The following ETV1 variants were observed in gnomAD, a reference collection of about 807,000 sequenced individuals.
The protein encoded by ETV1 is ETS translocation variant 1.
Under a neutral mutation model 62.3 loss-of-function variants are expected in ETV1, and 27 were observed. The observed-to-expected ratio is 0.43, with a 90% CI of 0.32 to 0.60. The LOEUF (loss-of-function observed/expected upper bound fraction) is 0.60, where lower values mean the gene tolerates loss of function less well. Among genes scored for constraint, ETV1 ranks in the 20% least tolerant of loss-of-function variants. ETV1 has a pLI of 0.06. For missense variants in ETV1, 605 were observed against 605.8 expected (o/e 1.00, Z 0.01); for synonymous variants, 222 against 199.6 (o/e 1.11, Z -0.94).
At position 13,894,782 on chromosome 7, in the gene ETV1, TTA is replaced by T. The variant is rs1781624460; in HGVS notation, c.*1082_*1083del. 8.6e-6 allele frequency: 2 copies of T among 232,536 alleles called. No homozygotes were observed. Among genetic ancestry groups the T allele is most frequent in the African/African-American group, 4.4e-5 (2 of 45,288 alleles). The allele number at this position is 232,536 out of a possible 1,614,324, so 14.4% of individuals were successfully genotyped here. A position where few individuals can be genotyped will look rare whatever the true frequency, so the allele number is the denominator to read the frequency against. ...CAGAAGCATTAGCATTATCTAATAT[TTA>T]TATATGTTATCAACATAACACAGCA... On this transcript the variant is annotated 3_prime_UTR_variant, in exon 14 of 14. Transcript: ENST00000430479.
chr7:13,975,562 CAAAAAAAAAAAAA>C (rs765452116), intron 6 of ETV1, among the ~76,000 whole-genome samples: 1 of 41,160 alleles, frequency 2.4e-5, no homozygotes, highest in African/African-American at 8.8e-5. Flanking sequence ...GACTCTGTCT[CAAAAAAAAAAAAA>C]AAAAGAAAAG....
chr7:13,931,505 A>C lies in ETV1; in HGVS notation c.799T>G (p.Ser267Ala), dbSNP rs541367225. ...KQEPRDFAYD[S>A]EVPSCHSIYM... Reference sequence around the variant, plus strand: ...TTTGCGCAGAGCGCAGGCCTACCTGAGTCATATGCAAAATCTCTGGGTTCC... The same window carrying C: ...TTTGCGCAGAGCGCAGGCCTACCTGCGTCATATGCAAAATCTCTGGGTTCC... Residue 267 changes from serine to alanine, a missense_variant, in exon 9 of 14, where the codon TCA becomes GCA. Physicochemically the swap from Ser to Ala is moderately conservative, Grantham distance 99. Coordinates refer to ENST00000430479, the MANE Select transcript of ETV1 (RefSeq NM_004956.5). The C allele has an allele frequency of 6.2e-7, 1 of 1,613,954 alleles. No homozygotes were observed. Among genetic ancestry groups the C allele is most frequent in the South Asian group, 1.1e-5 (1 of 91,078 alleles).
intron 9 of ETV1, among the ~76,000 whole-genome samples, chr7:13,930,745 T>C (rs2128448946): frequency 6.6e-6 from 1 of 152,188 alleles, no homozygotes; most frequent in South Asian, 2.1e-4. Flanking sequence ...CCCCTCTTAA[T>C]ATGTAAGAAT....
Position 13,893,439 on chromosome 7 carries a change from G to C in ETV1, c.*2427C>G, listed in dbSNP as rs897836518. 1 of 230,350 alleles carries C rather than the reference G, an allele frequency of 4.3e-6. No individual in the cohort carries two copies. The highest frequency in any genetic ancestry group is 8.6e-6 in the Non-Finnish European group (1 of 116,482). The allele number at this position is 230,350 out of a possible 1,614,324, so 14.3% of individuals were successfully genotyped here. A position where few individuals can be genotyped will look rare whatever the true frequency, so the allele number is the denominator to read the frequency against. ...TGTATTGGAAATACACTTAATGTTG[G>C]TCAATTATGTATTTAGTTCAGTGAG... On this transcript the variant is annotated 3_prime_UTR_variant, in exon 14 of 14. Transcript: ENST00000430479.
At chr7:13,911,344 G>C (rs1210170566) in intron 9 of ETV1, 37 bp from the exon 10 acceptor site, 1 of 1,449,356 alleles carries the variant, frequency 6.9e-7, no homozygotes, top group Admixed American at 1.7e-5. Context: ...AAAGAGTCTG[G>C]AGCTGAAACG....
chr7:13,991,002 G>A (rs2128519605), upstream of ETV1: 1 of 152,564 alleles, frequency 6.6e-6, no homozygotes, highest in South Asian at 2.1e-4. Context: ...ACTTAAAAAA[G>A]AAGCAAACAA....
intron 6 of ETV1, among the ~76,000 whole-genome samples, chr7:13,964,183 A>G (rs1790506017): frequency 6.6e-6 from 1 of 152,162 alleles, no homozygotes; most frequent in Non-Finnish European, 1.5e-5. Context: ...ATGGAGAAAA[A>G]CAACCCCAAA....
chr7:13,966,205 G>A (rs1258032354), intron 6 of ETV1, among the ~76,000 whole-genome samples: 1 of 152,128 alleles, frequency 6.6e-6, no homozygotes, highest in Non-Finnish European at 1.5e-5. Flanking sequence ...AAAGTCCAAA[G>A]ATATTCTTGT....
intron 12 of ETV1, among the ~76,000 whole-genome samples, chr7:13,905,530 A>C (rs1412827049): frequency 6.6e-6 from 1 of 152,162 alleles, no homozygotes; most frequent in African/African-American, 2.4e-5. Flanking sequence ...AGCAGTCCAA[A>C]ATGCTATTGA....
At chr7:13,944,462 T>G (rs1787922343) in intron 6 of ETV1, among the ~76,000 whole-genome samples, 1 of 151,992 alleles carries the variant, frequency 6.6e-6, no homozygotes. Flanking sequence ...TCCCATTGGC[T>G]CCATCTTCAT....
chr7:13,896,367 T>C (rs1002497173), intron 13 of ETV1, among the ~76,000 whole-genome samples: 3 of 152,204 alleles, frequency 2.0e-5, no homozygotes, highest in African/African-American at 4.8e-5. Context: ...CTTGTCTTAA[T>C]ATAGAGGTAA....
At chr7:13,910,606 TGTAG>T in intron 10 of ETV1, 1 of 201,062 alleles carries the variant, frequency 5.0e-6, no homozygotes, top group East Asian at 1.9e-4. Flanking sequence ...ATTAAAGAGA[TGTAG>T]AGTGTTTAGG....
intron 9 of ETV1, among the ~76,000 whole-genome samples, chr7:13,912,932 T>A (rs1783707550): frequency 1.3e-5 from 2 of 152,176 alleles, no homozygotes; most frequent in African/African-American, 4.8e-5. Flanking sequence ...ACTAACATGG[T>A]TAATTAGGAG....
chr7:13,919,475 G>GT (rs11399164), intron 9 of ETV1, among the ~76,000 whole-genome samples: 7,431 of 134,706 alleles, frequency 0.055, 274 homozygotes, highest in African/African-American at 0.11. Flanking sequence ...TGTTCTTTTG[G>GT]TTTTTTTTTT....
At chr7:13,897,381 T>G (rs1781959676) in intron 13 of ETV1, among the ~76,000 whole-genome samples, 1 of 152,240 alleles carries the variant, frequency 6.6e-6, no homozygotes, top group Non-Finnish European at 1.5e-5. Flanking sequence ...TGTCAATGAA[T>G]GCTGCTGCTC....
intron 6 of ETV1, among the ~76,000 whole-genome samples, chr7:13,974,366 GA>G (rs1352231083): frequency 3.3e-5 from 5 of 152,232 alleles, no homozygotes; most frequent in Non-Finnish European, 7.3e-5. Context: ...AGTTTAAACC[GA>G]AAGGACAGTC....
chr7:13,897,841 T>C (rs928420133), intron 13 of ETV1, among the ~76,000 whole-genome samples: 1 of 152,200 alleles, frequency 6.6e-6, no homozygotes, highest in Non-Finnish European at 1.5e-5. Context: ...ATAAAATAAA[T>C]GGCCTGCATA....
At chr7:13,915,134 T>C (rs1262275717) in intron 9 of ETV1, among the ~76,000 whole-genome samples, 3 of 152,224 alleles carry the variant, frequency 2.0e-5, no homozygotes, top group Non-Finnish European at 4.4e-5. Context: ...TATTTTAATG[T>C]GGTTTTGCTT....
At chr7:13,902,165 C>A (rs537218859) in intron 12 of ETV1, among the ~76,000 whole-genome samples, 1 of 152,240 alleles carries the variant, frequency 6.6e-6, no homozygotes, top group South Asian at 2.1e-4. Flanking sequence ...GCCTTCATTT[C>A]CATAAAATTC....
Sources: gnomAD v4.1 joint callset for allele counts (sites outside exome capture counted in the v4.1 genomes callset) on GRCh38, gnomAD v4.1.1 for gene constraint, MANE v1.5 for transcripts, NCBI Gene and HGNC (gene_info 2026-07-23, HGNC 2026-07-21) for gene names.